BAZ2B: variants seen among roughly 807,000 people sequenced by gnomAD.
The protein encoded by BAZ2B is bromodomain adjacent to zinc finger domain protein 2B.
In BAZ2B, 91 loss-of-function variants were observed where a neutral mutation model predicts 246.0. The ratio of observed to expected loss-of-function variants is 0.37; its 90% CI spans 0.31 to 0.44. The LOEUF is 0.44. BAZ2B is among the 20% of genes least tolerant of loss of function. BAZ2B has a pLI of 1.00. For missense variants in BAZ2B, 2,332 were observed against 2,533.7 expected (o/e 0.92, Z 1.71); for synonymous variants, 855 against 860.0 (o/e 0.99, Z 0.10).
At chr2:159,334,899 C>CT (rs952701532) in intron 33 of BAZ2B, among the ~76,000 whole-genome samples, 11 of 151,132 alleles carry the variant, frequency 7.3e-5, no homozygotes, top group East Asian at 5.8e-4. Context: ...AGGACTTAAT[C>CT]TTTTTTTTTC....
chr2:159,374,376 A>T (rs1299994563), intron 26 of BAZ2B, among the ~76,000 whole-genome samples: 1 of 152,188 alleles, frequency 6.6e-6, no homozygotes, highest in Non-Finnish European at 1.5e-5. Flanking sequence ...CTATGCCTTA[A>T]TTGACATTTT....
intron 2 of BAZ2B, among the ~76,000 whole-genome samples, chr2:159,491,354 A>G (rs892366783): frequency 2.6e-5 from 4 of 152,168 alleles, no homozygotes; most frequent in Non-Finnish European, 5.9e-5. Flanking sequence ...ACACGTGCCT[A>G]TCTGCTAGAA....
At chr2:159,650,010 T>TAA in the BAZ2B span, among the ~76,000 whole-genome samples, 1 of 152,196 alleles carries the variant, frequency 6.6e-6, no homozygotes, top group East Asian at 1.9e-4. Context: ...GTCCTCTAGT[T>TAA]AATCCCATCT....
chr2:159,610,372 C>T (rs1293794043), intron 1 of BAZ2B, among the ~76,000 whole-genome samples: 2 of 152,122 alleles, frequency 1.3e-5, no homozygotes, highest in Admixed American at 6.5e-5. Context: ...TATGTCCTAG[C>T]GAGTTAAGAG....
chr2:159,325,057 A>AT (rs2063331619), intron 35 of BAZ2B, 103 bp from the exon 36 acceptor site: 3 of 8,060 alleles, frequency 3.7e-4, no homozygotes, highest in African/African-American at 2.3e-3. Flanking sequence ...ATATATATAT[A>AT]TATTATATAT....
At chr2:159,351,930 A>G (rs1257783424) in intron 27 of BAZ2B, among the ~76,000 whole-genome samples, 1 of 152,250 alleles carries the variant, frequency 6.6e-6, no homozygotes, top group East Asian at 1.9e-4. Flanking sequence ...CTTCAGGGGT[A>G]GCCATGGTTA....
chr2:159,703,822 G>A, the BAZ2B span, among the ~76,000 whole-genome samples: 1 of 152,096 alleles, frequency 6.6e-6, no homozygotes. Flanking sequence ...CAGTGATCGT[G>A]CCACTGTACT....
At chr2:159,355,946 G>A (rs2059065753) in intron 27 of BAZ2B, among the ~76,000 whole-genome samples, 1 of 152,222 alleles carries the variant, frequency 6.6e-6, no homozygotes, top group African/African-American at 2.4e-5. Flanking sequence ...GAAGAATGGT[G>A]CACCCTGGCC....
chr2:159,402,386 GC>G (rs2149768529), intron 16 of BAZ2B, among the ~76,000 whole-genome samples: 1 of 152,234 alleles, frequency 6.6e-6, no homozygotes, highest in Admixed American at 6.5e-5. Flanking sequence ...GGAGGCGGAG[GC>G]TGCAGTGAGC....
At chr2:159,394,048 C>T (rs1311632746) in intron 20 of BAZ2B, among the ~76,000 whole-genome samples, 6 of 151,964 alleles carry the variant, frequency 3.9e-5, no homozygotes, top group Non-Finnish European at 7.4e-5. Flanking sequence ...CTAAAGATAA[C>T]GTTCTGGGTT....
At chr2:159,466,056 C>G (rs1054535356) in intron 3 of BAZ2B, among the ~76,000 whole-genome samples, 4 of 152,134 alleles carry the variant, frequency 2.6e-5, no homozygotes, top group African/African-American at 9.7e-5. Flanking sequence ...TATCCACAAA[C>G]CATCAAGAGC....
intron 27 of BAZ2B, among the ~76,000 whole-genome samples, chr2:159,370,973 T>A (rs886818763): frequency 6.6e-6 from 1 of 151,748 alleles, no homozygotes; most frequent in Admixed American, 6.6e-5. Flanking sequence ...ACCCGGCTAA[T>A]TTTTTTGTAT....
At chr2:159,483,010 T>C (rs1360128153) in intron 2 of BAZ2B, among the ~76,000 whole-genome samples, 1 of 152,178 alleles carries the variant, frequency 6.6e-6, no homozygotes, top group Non-Finnish European at 1.5e-5. Context: ...ACTCCTTTCA[T>C]CTTGGGTTCC....
At chr2:159,691,764 T>C in the BAZ2B span, among the ~76,000 whole-genome samples, 2 of 152,218 alleles carry the variant, frequency 1.3e-5, no homozygotes, top group African/African-American at 4.8e-5. Context: ...TACATGAGAA[T>C]TGCAAAAGAT....
chr2:159,661,374 G>A, the BAZ2B span, among the ~76,000 whole-genome samples: 3 of 152,198 alleles, frequency 2.0e-5, no homozygotes, highest in African/African-American at 7.2e-5. Context: ...CCAATTTGGG[G>A]GCTATTACAA....
chr2:159,440,556 G>A (rs1408528342), intron 6 of BAZ2B, among the ~76,000 whole-genome samples: 2 of 141,624 alleles, frequency 1.4e-5, no homozygotes, highest in Admixed American at 7.5e-5. Context: ...TCGCTCTGTC[G>A]CCCAGGCTGG....
At chr2:159,658,942 T>C in the BAZ2B span, among the ~76,000 whole-genome samples, 1 of 152,144 alleles carries the variant, frequency 6.6e-6, no homozygotes, top group Non-Finnish European at 1.5e-5. Flanking sequence ...GTATTAGCCA[T>C]TGTGGCTGGC....
chr2:159,462,598 C>T (rs1338375479), intron 3 of BAZ2B: 23 of 882,162 alleles, frequency 2.6e-5, no homozygotes, highest in Non-Finnish European at 4.1e-5. Flanking sequence ...GTGCGTCATT[C>T]GAAACAGTTA....
At chr2:159,568,670 G>C (rs1314704579) in intron 1 of BAZ2B, among the ~76,000 whole-genome samples, 1 of 152,104 alleles carries the variant, frequency 6.6e-6, no homozygotes, top group East Asian at 1.9e-4. Flanking sequence ...AATTACTCTG[G>C]ACTGAACGGG....
Sources: allele counts gnomAD v4.1 joint callset (sites outside exome capture counted in the v4.1 genomes callset), GRCh38; gene constraint gnomAD v4.1.1; transcripts MANE v1.5; gene names NCBI Gene and HGNC (gene_info 2026-07-23, HGNC 2026-07-21).